The following TIAM1 variants were observed in gnomAD, a reference collection of about 807,000 sequenced individuals.
The protein encoded by TIAM1 is rho guanine nucleotide exchange factor TIAM1.
Under a neutral mutation model 163.5 loss-of-function variants are expected in TIAM1, and 65 were observed. The ratio of observed to expected loss-of-function variants is 0.40; its 90% CI spans 0.33 to 0.49. The LOEUF is 0.49. Ranked by LOEUF, TIAM1 falls within the 20% of genes least tolerant of loss-of-function variation. The pLI is 0.77. For synonymous variants in TIAM1, 833 were observed against 810.1 expected, an observed-to-expected ratio of 1.03 and a Z score of -0.48; for missense variants, 1,789 against 2,044.7, an observed-to-expected ratio of 0.87 and a Z score of 2.41.
At chr21:31,439,703 C>T (rs995555871) in intron 2 of TIAM1, among the ~76,000 whole-genome samples, 9 of 152,212 alleles carry the variant, frequency 5.9e-5, no homozygotes, top group Admixed American at 1.3e-4. Flanking sequence ...TATCCAAGCA[C>T]GCTGTACGCC....
chr21:31,365,583 G>A (rs1053924337), intron 2 of TIAM1, among the ~76,000 whole-genome samples: 5 of 151,294 alleles, frequency 3.3e-5, no homozygotes, highest in Non-Finnish European at 7.4e-5. Flanking sequence ...TAGAGATGGG[G>A]TTTCACACCA....
rs545972387 is a variant in TIAM1 at position 31,227,343 on chromosome 21, T to C, written c.1585-1393A>G. On this transcript the variant is annotated intron_variant, in intron 6 of 27. Transcript: ENST00000541036. ...GCTGGAATTTAAGTCAAGATAGTAC[T>C]TTATCTTTATTATTTCTGAATCTGA... is the stretch of plus-strand genomic sequence containing the variant. 6.4e-4 allele frequency among the ~76,000 whole-genome samples: 97 copies of C among 152,308 alleles called. 2 individuals carry two copies. The South Asian group carries it at 0.01, about 16-fold the overall frequency.
Position 31,120,937 on chromosome 21 carries a change from GGTAT to G in TIAM1, c.4307-104_4307-101del. 8.8e-7 allele frequency: 1 copy of G among 1,141,772 alleles called. No individual in the cohort carries two copies. Among genetic ancestry groups the G allele is most frequent in the Non-Finnish European group, 1.2e-6 (1 of 826,434 alleles). 70.7% of individuals were successfully genotyped at this position (1,141,772 alleles called of 1,614,324 possible). A position where few individuals can be genotyped will look rare whatever the true frequency, so the allele number is the denominator to read the frequency against. On this transcript the variant is annotated intron_variant, in intron 27 of 27. Transcript: ENST00000541036. The surrounding 1 kb of genome is among the most constrained non-coding windows in gnomAD (Gnocchi z 4.2). The stretch of plus-strand genomic sequence containing the variant: ...GACAGGAGAAAATAAAAACCAAAAC[GGTAT>G]GCATTGAATGCCTTGATGTCTTTTG...
chr21:31,185,547 TATTATATATTAATATAATATATTA>T (rs970184574), intron 14 of TIAM1, among the ~76,000 whole-genome samples: 22 of 130,204 alleles, frequency 1.7e-4, no homozygotes, highest in African/African-American at 6.8e-4. Flanking sequence ...TGCCATTATA[TATTATATATTAATATAATATATTA>T]TATATTAATA....
intron 1 of TIAM1, among the ~76,000 whole-genome samples, chr21:31,551,533 G>A (rs561026334): frequency 6.6e-6 from 1 of 152,292 alleles, no homozygotes; most frequent in Non-Finnish European, 1.5e-5. Flanking sequence ...GAGTCCAGGA[G>A]TTCAAGACCA....
At chr21:31,239,506 C>T (rs554501637) in intron 6 of TIAM1, among the ~76,000 whole-genome samples, 2 of 152,228 alleles carry the variant, frequency 1.3e-5, no homozygotes, top group South Asian at 4.1e-4. Context: ...ATAAGACACT[C>T]AAAGCATTAC....
chr21:31,350,807 A>G (rs2076222101), intron 2 of TIAM1, among the ~76,000 whole-genome samples: 1 of 152,272 alleles, frequency 6.6e-6, no homozygotes, highest in South Asian at 2.1e-4. Flanking sequence ...ATTTCTTTAT[A>G]GCAATGCAAG....
At chr21:31,260,927 C>G (rs1309033202) in intron 4 of TIAM1, among the ~76,000 whole-genome samples, 1 of 152,162 alleles carries the variant, frequency 6.6e-6, no homozygotes, top group East Asian at 1.9e-4. Flanking sequence ...TCATCTGATT[C>G]TCAAGAGTCT....
At chr21:31,495,741 G>A (rs186509732) in intron 1 of TIAM1, among the ~76,000 whole-genome samples, 18 of 151,926 alleles carry the variant, frequency 1.2e-4, no homozygotes, top group South Asian at 4.2e-4. Context: ...AGGCCAAGGC[G>A]GGGCGGGGGG....
intron 1 of TIAM1, among the ~76,000 whole-genome samples, chr21:31,469,819 G>A (rs1200702627): frequency 2.1e-5 from 3 of 146,158 alleles, no homozygotes; most frequent in African/African-American, 5.1e-5. Flanking sequence ...GTGACAGAGC[G>A]AGACTCCATC....
chr21:31,300,895 T>G (rs1272471897), intron 2 of TIAM1, among the ~76,000 whole-genome samples: 2 of 152,202 alleles, frequency 1.3e-5, no homozygotes, highest in African/African-American at 2.4e-5. Flanking sequence ...GTCACACTTT[T>G]GAGGCATAAT....
At chr21:31,558,149 GCGGGTCC>G (rs2048953354) in intron 1 of TIAM1, among the ~76,000 whole-genome samples, 1 of 147,766 alleles carries the variant, frequency 6.8e-6, no homozygotes, top group Non-Finnish European at 1.5e-5. Flanking sequence ...CGGGCCCCAC[GCGGGTCC>G]CCAGCCGGGT....
intron 8 of TIAM1, among the ~76,000 whole-genome samples, chr21:31,222,699 ATAT>A (rs2087653544): frequency 2.5e-5 from 1 of 39,796 alleles, no homozygotes; most frequent in African/African-American, 1.4e-4. Context: ...ATATATATAT[ATAT>A]ATATATTTTT....
intron 2 of TIAM1, among the ~76,000 whole-genome samples, chr21:31,438,349 G>A (rs936697845): frequency 6.6e-6 from 1 of 151,744 alleles, no homozygotes; most frequent in Non-Finnish European, 1.5e-5. Context: ...CTGCCACCAT[G>A]CCCAGCTAAT....
chr21:31,499,535 T>C (rs1238254796), intron 1 of TIAM1, among the ~76,000 whole-genome samples: 5 of 149,380 alleles, frequency 3.3e-5, no homozygotes. Flanking sequence ...AGCAAGACCC[T>C]GTCTCTGAAA....
At chr21:31,493,379 G>A (rs1463666507) in intron 1 of TIAM1, among the ~76,000 whole-genome samples, 1 of 152,190 alleles carries the variant, frequency 6.6e-6, no homozygotes, top group Non-Finnish European at 1.5e-5. Flanking sequence ...AGCTTTAAAT[G>A]AGGAAGAGAT....
At chr21:31,468,925 G>A (rs1404004799) in intron 1 of TIAM1, among the ~76,000 whole-genome samples, 1 of 151,966 alleles carries the variant, frequency 6.6e-6, no homozygotes, top group African/African-American at 2.4e-5. Flanking sequence ...AGGGATGACT[G>A]TCGGAAGAGG....
chr21:31,534,088 C>T (rs2048051307), intron 1 of TIAM1, among the ~76,000 whole-genome samples: 1 of 152,218 alleles, frequency 6.6e-6, no homozygotes, highest in Non-Finnish European at 1.5e-5. Context: ...CTCTGAGTTG[C>T]AGTTCCAAAA....
chr21:31,181,595 A>T (rs916984364), intron 15 of TIAM1, among the ~76,000 whole-genome samples: 2 of 150,970 alleles, frequency 1.3e-5, no homozygotes, highest in Non-Finnish European at 2.9e-5. Context: ...ACACATTTCC[A>T]CTCTGGGCCT....
Sources: allele counts gnomAD v4.1 joint callset (sites outside exome capture counted in the v4.1 genomes callset), GRCh38; gene constraint gnomAD v4.1.1; non-coding constraint Gnocchi (gnomAD v3.1); transcripts MANE v1.5; gene names NCBI Gene and HGNC (gene_info 2026-07-23, HGNC 2026-07-21).